The following ADARB2 variants were observed in gnomAD, a reference collection of about 807,000 sequenced individuals.
ADARB2 encodes the protein adenosine deaminase RNA specific B2 (inactive), also known as inactive double-stranded RNA-specific editase B2.
In ADARB2, 25 loss-of-function variants were observed where a neutral mutation model predicts 62.2. The ratio of observed to expected loss-of-function variants is 0.40; its 90% CI spans 0.29 to 0.56. The LOEUF (loss-of-function observed/expected upper bound fraction) is 0.56, where lower values mean the gene tolerates loss of function less well. Among genes scored for constraint, ADARB2 ranks in the 20% least tolerant of loss-of-function variants. The pLI is 0.43. For missense variants in ADARB2, 1,071 were observed against 1,077.4 expected (o/e 0.99, Z 0.08); for synonymous variants, 572 against 500.8 (o/e 1.14, Z -1.90).
chr10:1,417,733 C>T (rs1296826046), intron 1 of ADARB2, among the ~76,000 whole-genome samples: 2 of 152,176 alleles, frequency 1.3e-5, no homozygotes, highest in African/African-American at 4.8e-5. Context: ...GGGCCTCACT[C>T]CTCTGGACTC....
intron 1 of ADARB2, among the ~76,000 whole-genome samples, chr10:1,572,436 G>C (rs1286805818): frequency 1.3e-5 from 2 of 152,166 alleles, no homozygotes; most frequent in Non-Finnish European, 2.9e-5. Flanking sequence ...GCTGCAGGAG[G>C]CTCTTCAGGA....
chr10:1,377,495 G>A (rs1832444507), intron 2 of ADARB2, among the ~76,000 whole-genome samples: 1 of 151,194 alleles, frequency 6.6e-6, no homozygotes, highest in African/African-American at 2.4e-5. Context: ...ATGTGTGTGT[G>A]CGCTCCTGGG....
At chr10:1,509,050 A>G (rs1166186446) in intron 1 of ADARB2, among the ~76,000 whole-genome samples, 1 of 152,058 alleles carries the variant, frequency 6.6e-6, no homozygotes, top group Non-Finnish European at 1.5e-5. Flanking sequence ...CCTATTTTGT[A>G]GCATCCGGGA....
At chr10:1,510,096 T>TTCTTTCTTTCTCTC (rs1831906492) in intron 1 of ADARB2, among the ~76,000 whole-genome samples, 8 of 124,760 alleles carry the variant, frequency 6.4e-5, no homozygotes, top group African/African-American at 2.1e-4. Context: ...TCTCTCTCTC[T>TTCTTTCTTTCTCTC]TTTCTTTCTT....
intron 1 of ADARB2, among the ~76,000 whole-genome samples, chr10:1,643,096 A>G (rs906991755): frequency 6.6e-6 from 1 of 152,192 alleles, no homozygotes; most frequent in African/African-American, 2.4e-5. Context: ...TGAGGCACAG[A>G]CACCCAAAGG....
intron 3 of ADARB2, among the ~76,000 whole-genome samples, chr10:1,305,997 C>T (rs573045633): frequency 2.6e-4 from 39 of 152,292 alleles, no homozygotes; most frequent in African/African-American, 8.7e-4. Context: ...TGGCACAAGA[C>T]AGTGAGAGGG....
intron 1 of ADARB2, among the ~76,000 whole-genome samples, chr10:1,659,058 GTTAA>G (rs1158859426): frequency 2.0e-5 from 3 of 152,160 alleles, no homozygotes; most frequent in Admixed American, 6.5e-5. Context: ...CAAATCTCCT[GTTAA>G]TTGTCAGCCT....
At chr10:1,635,886 C>T (rs1431388168) in intron 1 of ADARB2, among the ~76,000 whole-genome samples, 1 of 152,186 alleles carries the variant, frequency 6.6e-6, no homozygotes, top group African/African-American at 2.4e-5. Flanking sequence ...CCAGAGGCCT[C>T]TTATCTAGCA....
chr10:1,410,176 C>G (rs528407816), intron 1 of ADARB2, among the ~76,000 whole-genome samples: 18 of 139,928 alleles, frequency 1.3e-4, no homozygotes, highest in Non-Finnish European at 2.4e-4. Context: ...GGTGCCGAGG[C>G]CTGGTCGTGG....
chr10:1,244,741 CAGTG>C (rs764371666), intron 4 of ADARB2, among the ~76,000 whole-genome samples: 11 of 152,096 alleles, frequency 7.2e-5, no homozygotes, highest in East Asian at 5.8e-4. Context: ...ACCAGCATGA[CAGTG>C]AGGGAGGAAA....
At chr10:1,569,570 G>A (rs887717302) in intron 1 of ADARB2, among the ~76,000 whole-genome samples, 4 of 152,146 alleles carry the variant, frequency 2.6e-5, no homozygotes, top group Admixed American at 6.5e-5. Context: ...CTTAAATTCT[G>A]TTCTGATGAG....
At chr10:1,719,318 C>G (rs1465044713) in intron 1 of ADARB2, among the ~76,000 whole-genome samples, 1 of 152,222 alleles carries the variant, frequency 6.6e-6, no homozygotes, top group Non-Finnish European at 1.5e-5. Flanking sequence ...CTCCTCTATT[C>G]TCTTGCTCTC....
At chr10:1,570,419 C>T (rs1371304214) in intron 1 of ADARB2, among the ~76,000 whole-genome samples, 2 of 145,336 alleles carry the variant, frequency 1.4e-5, no homozygotes, top group Non-Finnish European at 3.0e-5. Context: ...GGTAGAATGC[C>T]CAGTGACAGT....
At chr10:1,485,674 C>T (rs979823217) in intron 1 of ADARB2, among the ~76,000 whole-genome samples, 5 of 152,194 alleles carry the variant, frequency 3.3e-5, no homozygotes, top group South Asian at 2.1e-4. Context: ...TGTCACAACA[C>T]GTGCCCCGGT....
At chr10:1,259,079 T>A (rs894422612) in intron 4 of ADARB2, among the ~76,000 whole-genome samples, 3 of 152,126 alleles carry the variant, frequency 2.0e-5, no homozygotes, top group African/African-American at 7.2e-5. Context: ...AAGGCAGAAA[T>A]AAAGATGTTC....
intron 1 of ADARB2, among the ~76,000 whole-genome samples, chr10:1,510,117 T>TTTCTTTCTTCTTTCTTTC (rs1831911319): frequency 1.1e-5 from 1 of 93,820 alleles, no homozygotes; most frequent in African/African-American, 4.5e-5. Flanking sequence ...TCTCTCTTTC[T>TTTCTTTCTTCTTTCTTTC]TTCTTTCTTT....
At chr10:1,351,318 A>G (rs891186151) in intron 3 of ADARB2, among the ~76,000 whole-genome samples, 7 of 152,036 alleles carry the variant, frequency 4.6e-5, no homozygotes, top group Admixed American at 1.3e-4. Context: ...TTCTTCATCA[A>G]TACGGAGGCT....
intron 1 of ADARB2, among the ~76,000 whole-genome samples, chr10:1,608,312 C>T (rs186170645): frequency 5.9e-5 from 9 of 152,268 alleles, no homozygotes; most frequent in East Asian, 1.9e-4. Context: ...GTCATGGAGA[C>T]GCAGCGTGCC....
chr10:1,185,536 G>T (rs1426957502), intron 8 of ADARB2, among the ~76,000 whole-genome samples: 1 of 152,256 alleles, frequency 6.6e-6, no homozygotes, highest in Non-Finnish European at 1.5e-5. Context: ...AGGCAGAAAT[G>T]AGTGTAGGAT....
Sources: gnomAD v4.1 joint callset for allele counts (sites outside exome capture counted in the v4.1 genomes callset) on GRCh38, gnomAD v4.1.1 for gene constraint, MANE v1.5 for transcripts, NCBI Gene and HGNC (gene_info 2026-07-23, HGNC 2026-07-21) for gene names.